The following MPP2 variants were observed in gnomAD, a reference collection of about 807,000 sequenced individuals.
The protein encoded by MPP2 is MAGUK p55 scaffold protein 2, also known as MAGUK p55 subfamily member 2.
MPP2 carries 42 observed loss-of-function variants against 58.5 expected under a neutral mutation model. That is an observed-to-expected ratio of 0.72 (90% CI 0.56 to 0.93). MPP2 has a LOEUF of 0.93. Among genes scored for constraint, MPP2 ranks in the 40% least tolerant of loss-of-function variants. The pLI is 0.00. For synonymous variants in MPP2, 300 were observed against 307.8 expected (o/e 0.97, Z 0.26); for missense variants, 632 against 760.4 (o/e 0.83, Z 1.99).
intron 3 of MPP2, among the ~76,000 whole-genome samples, chr17:43,884,498 C>A (rs1180498078): frequency 6.6e-6 from 1 of 152,206 alleles, no homozygotes; most frequent in Non-Finnish European, 1.5e-5. Context: ...AGATTACAGG[C>A]ATGAGCCACT....
intron 2 of MPP2, chr17:43,901,230 A>G: frequency 5.1e-6 from 5 of 983,654 alleles, no homozygotes; most frequent in Non-Finnish European, 6.0e-6. Context: ...GAGGCAGGGT[A>G]CGTGGGGGAG....
At chr17:43,899,410 C>G (rs1308620450) in intron 2 of MPP2, among the ~76,000 whole-genome samples, 1 of 152,064 alleles carries the variant, frequency 6.6e-6, no homozygotes, top group Non-Finnish European at 1.5e-5. Flanking sequence ...AAGCAGGCAG[C>G]CACACAGGAG....
chr17:43,904,410 C>T lies in MPP2; in HGVS notation c.31+20G>A. ...CCTCTGAACCACTGAAATAAGCTAA[C>T]ATCCTCACCCCCTTCTTACCAGTTT... On this transcript the variant is annotated intron_variant, in intron 2 of 12. Coordinates refer to ENST00000269095, the MANE Select transcript of MPP2 (RefSeq NM_005374.5). The T allele has an allele frequency of 6.2e-7, 1 of 1,613,502 alleles. No homozygotes were observed. Among genetic ancestry groups the T allele is most frequent in the Non-Finnish European group, 8.5e-7 (1 of 1,179,490 alleles).
chr17:43,906,879 C>T (rs2048312833), intron 1 of MPP2, among the ~76,000 whole-genome samples: 1 of 150,054 alleles, frequency 6.7e-6, no homozygotes, highest in Non-Finnish European at 1.5e-5. Flanking sequence ...CTTAATTGAC[C>T]TAACTTTCTA....
At position 43,883,408 on chromosome 17, in the gene MPP2, G is replaced by A. The variant is rs2047233288; in HGVS notation, c.151-53C>T. The A allele has an allele frequency of 8.3e-6, 13 of 1,572,710 alleles. No homozygotes were observed. The South Asian group carries it at 1.5e-4, about 18-fold the overall frequency. ...CTAGGAGCTTCCCCAGGAGCCCTGG[G>A]ACACCAAGCAGGGTCCTCCCTCAGC... On this transcript the variant is annotated intron_variant, in intron 3 of 12. Coordinates refer to ENST00000269095, the MANE Select transcript of MPP2 (RefSeq NM_005374.5).
rs124719 is a variant in MPP2, at chr17:43,882,975, T to C, written c.381A>G (p.Thr127=). The C allele has an allele frequency of 0.85, 1,379,551 of 1,613,916 alleles. 592,821 individuals are homozygous for C. Among genetic ancestry groups the C allele is most frequent in the East Asian group, 1 (44,833 of 44,850 alleles). ...CGGGAGGTACAGGCTGGTTGCTGAA[T>C]GTAGGGTCCAGGCCAGGGCTGGGGG... ...TPPPSPGLDP[T]FSNQPVPPDA... is the part of the protein sequence containing the mutation. Residue 127 remains threonine (T), a synonymous_variant, in exon 5 of 13, where the codon ACA becomes ACG. Transcript: ENST00000269095.
chr17:43,907,077 A>T, intron 1 of MPP2: 1 of 773,696 alleles, frequency 1.3e-6, no homozygotes, highest in Non-Finnish European at 1.6e-6. Context: ...GACCCAGCGC[A>T]ACCTCTGTCT....
In MPP2 at chr17:43,879,543, G is replaced by A. The variant is rs1211279612; in HGVS notation, c.1354-140C>T. ...GGGTGCCCGGGGGTCTGGGACATGAGTCCTGGGACAAATGACAAACAGCTG... is the reference window on the plus strand; with the variant it reads ...GGGTGCCCGGGGGTCTGGGACATGAATCCTGGGACAAATGACAAACAGCTG... On this transcript the variant is annotated intron_variant, in intron 11 of 12. Transcript: ENST00000269095. The surrounding 1 kb of genome is among the most constrained non-coding windows in gnomAD (Gnocchi z 4.1). 2.7e-6 allele frequency: 3 copies of A among 1,131,644 alleles called. No individual in the cohort carries two copies. Among genetic ancestry groups the A allele is most frequent in the Non-Finnish European group, 3.8e-6 (3 of 782,084 alleles). 70.1% of individuals were successfully genotyped at this position (1,131,644 alleles called of 1,614,324 possible).
At chr17:43,901,425 C>G in intron 2 of MPP2, 1 of 985,498 alleles carries the variant, frequency 1.0e-6, no homozygotes, top group Non-Finnish European at 1.2e-6. Context: ...CATTTGCACA[C>G]AGGGAAAAGT....
intron 2 of MPP2, among the ~76,000 whole-genome samples, chr17:43,902,319 C>A (rs1291409445): frequency 2.6e-5 from 4 of 152,148 alleles, no homozygotes; most frequent in African/African-American, 9.7e-5. Context: ...TGGTCTGCAA[C>A]AACGAAGCCA....
intron 2 of MPP2, among the ~76,000 whole-genome samples, chr17:43,900,934 C>CG (rs2048072754): frequency 6.6e-6 from 1 of 152,078 alleles, no homozygotes; most frequent in African/African-American, 2.4e-5. Flanking sequence ...CCCTCACAGC[C>CG]AGCTTCAGGA....
At chr17:43,898,427 C>A in intron 2 of MPP2, 47 bp from the exon 3 acceptor site, 1 of 1,381,588 alleles carries the variant, frequency 7.2e-7, no homozygotes, top group Non-Finnish European at 1.0e-6. Context: ...CAGCTGGGTA[C>A]AGAAGACCAA....
intron 1 of MPP2, among the ~76,000 whole-genome samples, chr17:43,904,913 C>T (rs113140843): frequency 2.0e-4 from 31 of 152,260 alleles, no homozygotes; most frequent in African/African-American, 7.2e-4. Flanking sequence ...AGGTGGCTCA[C>T]GCCTATAATC....
intron 3 of MPP2, among the ~76,000 whole-genome samples, chr17:43,890,108 G>A (rs1597786088): frequency 6.6e-6 from 1 of 151,872 alleles, no homozygotes; most frequent in Non-Finnish European, 1.5e-5. Context: ...CACCGCACCC[G>A]GCCGTATTTT....
chr17:43,901,480 C>G, intron 2 of MPP2: 1 of 985,466 alleles, frequency 1.0e-6, no homozygotes, highest in Non-Finnish European at 1.2e-6. Flanking sequence ...TGACCCCATT[C>G]CTCTGAGATC....
intron 2 of MPP2, among the ~76,000 whole-genome samples, chr17:43,899,802 G>C (rs2048012034): frequency 6.6e-6 from 1 of 151,864 alleles, no homozygotes; most frequent in Non-Finnish European, 1.5e-5. Context: ...CTGAGGTGAG[G>C]GCTGCCTTCA....
At chr17:43,901,108 G>A (rs2048079452) in intron 2 of MPP2, among the ~76,000 whole-genome samples, 1 of 152,078 alleles carries the variant, frequency 6.6e-6, no homozygotes, top group Non-Finnish European at 1.5e-5. Flanking sequence ...TCAGTCTAAG[G>A]AAGTCCCCAA....
chr17:43,883,159 C>A (rs1204573470), intron 4 of MPP2, 44 bp downstream of exon 4: 1 of 1,567,340 alleles, frequency 6.4e-7, no homozygotes. Flanking sequence ...TGCCCCAGTC[C>A]ACCCACCTCC....
At chr17:43,884,518 C>T (rs2047282979) in intron 3 of MPP2, among the ~76,000 whole-genome samples, 1 of 152,186 alleles carries the variant, frequency 6.6e-6, no homozygotes. Flanking sequence ...TGCACCCAGC[C>T]TAGACATTTT....
Sources: allele counts gnomAD v4.1 joint callset (sites outside exome capture counted in the v4.1 genomes callset), GRCh38; gene constraint gnomAD v4.1.1; non-coding constraint Gnocchi (gnomAD v3.1); transcripts MANE v1.5; gene names NCBI Gene and HGNC (gene_info 2026-07-23, HGNC 2026-07-21).